Variants in IL1RAPL1 observed in about 807,000 individuals in gnomAD.
IL1RAPL1 encodes the protein interleukin-1 receptor accessory protein-like 1.
In IL1RAPL1, 3 loss-of-function variants were observed where a neutral mutation model predicts 48.4. That is an observed-to-expected ratio of 0.06 (90% CI 0.03 to 0.16). The LOEUF is 0.16. Ranked by LOEUF, IL1RAPL1 falls within the 10% of genes least tolerant of loss-of-function variation. IL1RAPL1 has a pLI of 1.00. For synonymous variants in IL1RAPL1, 185 were observed against 187.7 expected (o/e 0.99, Z 0.12); for missense variants, 349 against 530.6 (o/e 0.66, Z 3.36).
chrX:28,734,740 C>T (rs771497971), intron 1 of IL1RAPL1, among the ~76,000 whole-genome samples: 4 of 111,488 alleles, frequency 3.6e-5, no homozygotes, highest in Non-Finnish European at 7.5e-5. Flanking sequence ...AAGTAAGCTC[C>T]ATATGGGCAG....
At chrX:29,197,139 CTG>C (rs1254751432) in intron 2 of IL1RAPL1, among the ~76,000 whole-genome samples, 1 of 111,304 alleles carries the variant, frequency 9.0e-6, no homozygotes, top group Admixed American at 9.6e-5. Context: ...TAATTATTCA[CTG>C]TGAGTTTTTG....
intron 5 of IL1RAPL1, among the ~76,000 whole-genome samples, chrX:29,408,950 C>T (rs866158343): frequency 9.8e-5 from 11 of 112,087 alleles, no homozygotes; most frequent in African/African-American, 2.9e-4. Flanking sequence ...TTAAGTGCAA[C>T]GGAAACACAT....
At chrX:28,951,557 C>T (rs1409672523) in intron 2 of IL1RAPL1, among the ~76,000 whole-genome samples, 8 of 110,260 alleles carry the variant, frequency 7.3e-5, no homozygotes, top group Non-Finnish European at 1.3e-4. Flanking sequence ...AAATATAGTA[C>T]ACATTTATTC....
intron 1 of IL1RAPL1, among the ~76,000 whole-genome samples, chrX:28,628,350 T>A (rs1482614869): frequency 1.8e-5 from 2 of 112,160 alleles, no homozygotes; most frequent in Non-Finnish European, 3.8e-5. Flanking sequence ...CAAAATCACA[T>A]TGCAAAGTGT....
rs376805298 is a variant in IL1RAPL1, at chrX:29,443,231, GCTCT to G, written c.703+43948_703+43951del. The stretch of plus-strand genomic sequence containing the variant: ...GGAACTGAAGTGTGTGCTCTCGCTT[GCTCT>G]CTCTCTCTCTCTCTCTCTCTCTCTG... On this transcript the variant is annotated intron_variant, in intron 5 of 10. Coordinates refer to ENST00000378993, the MANE Select transcript of IL1RAPL1 (RefSeq NM_014271.4). Among the ~76,000 whole-genome samples, 124 of 93,930 alleles carry G rather than the reference GCTCT, an allele frequency of 1.3e-3. 3 individuals carry two copies. The Middle Eastern group carries it at 0.026, about 20-fold the overall frequency. 81.6% of individuals were successfully genotyped at this position (93,930 alleles called of 115,157 possible). A position where few individuals can be genotyped will look rare whatever the true frequency, so the allele number is the denominator to read the frequency against.
intron 5 of IL1RAPL1, among the ~76,000 whole-genome samples, chrX:29,454,403 G>A (rs1286911372): frequency 8.9e-6 from 1 of 111,780 alleles, no homozygotes; most frequent in African/African-American, 3.3e-5. Context: ...GAGACAAGGG[G>A]ACAGGCATGA....
At chrX:29,397,654 T>G (rs1025024106) in intron 4 of IL1RAPL1, among the ~76,000 whole-genome samples, 1 of 111,119 alleles carries the variant, frequency 9.0e-6, no homozygotes, top group Non-Finnish European at 1.9e-5. Flanking sequence ...CAAACCACCC[T>G]GTGGTTTGTC....
chrX:29,153,656 T>C (rs1484699700), intron 2 of IL1RAPL1, among the ~76,000 whole-genome samples: 1 of 112,652 alleles, frequency 8.9e-6, no homozygotes, highest in East Asian at 2.8e-4. Context: ...AGCCTACTTC[T>C]AGCATTTTCA....
intron 2 of IL1RAPL1, among the ~76,000 whole-genome samples, chrX:29,046,494 A>G (rs36033238): frequency 0.017 from 1,857 of 112,096 alleles, 19 homozygotes; most frequent in Middle Eastern, 0.032. Context: ...TTTAATCCTC[A>G]GAAGAATAAT....
chrX:29,513,535 C>T (rs1427224731), intron 5 of IL1RAPL1, among the ~76,000 whole-genome samples: 1 of 111,550 alleles, frequency 9.0e-6, no homozygotes, highest in African/African-American at 3.2e-5. Context: ...CAGTTCTGAG[C>T]CTGGTTTCGT....
intron 5 of IL1RAPL1, among the ~76,000 whole-genome samples, chrX:29,487,820 T>A (rs934193084): frequency 3.6e-5 from 4 of 112,069 alleles, no homozygotes; most frequent in African/African-American, 1.3e-4. Flanking sequence ...GAGTGGGGCA[T>A]GGGCTGGATT....
chrX:29,639,147 T>C (rs776762799), intron 5 of IL1RAPL1, among the ~76,000 whole-genome samples: 1 of 106,013 alleles, frequency 9.4e-6, no homozygotes, highest in East Asian at 3.0e-4. Flanking sequence ...GATCGGGCCA[T>C]TGCACTCCAG....
intron 1 of IL1RAPL1, among the ~76,000 whole-genome samples, chrX:28,734,663 A>T (rs1048856319): frequency 9.1e-6 from 1 of 110,132 alleles, no homozygotes; most frequent in Non-Finnish European, 1.9e-5. Flanking sequence ...AGAGCTTAGT[A>T]TATGTTCCAA....
intron 2 of IL1RAPL1, among the ~76,000 whole-genome samples, chrX:29,201,202 T>C (rs1377436163): frequency 8.9e-6 from 1 of 112,228 alleles, no homozygotes; most frequent in Non-Finnish European, 1.9e-5. Context: ...ATCCAGAATA[T>C]TATTTACCAA....
At chrX:29,757,950 T>A (rs1354818697) in intron 6 of IL1RAPL1, among the ~76,000 whole-genome samples, 2 of 111,786 alleles carry the variant, frequency 1.8e-5, no homozygotes, top group Non-Finnish European at 3.8e-5. Flanking sequence ...TCTTAATATG[T>A]ATAGCCATGG....
intron 2 of IL1RAPL1, among the ~76,000 whole-genome samples, chrX:28,969,884 CACAT>C (rs1236445610): frequency 2.0e-4 from 21 of 107,550 alleles, no homozygotes; most frequent in Middle Eastern, 4.9e-3. Flanking sequence ...TGTTTCTAAA[CACAT>C]ATATATGTTT....
intron 6 of IL1RAPL1, among the ~76,000 whole-genome samples, chrX:29,689,341 C>T (rs187270660): frequency 1.8e-5 from 2 of 111,681 alleles, no homozygotes; most frequent in East Asian, 2.8e-4. Flanking sequence ...GCTTATTTCA[C>T]GTTGTATGCC....
chrX:28,707,659 G>A (rs1036433629), intron 1 of IL1RAPL1, among the ~76,000 whole-genome samples: 1 of 112,055 alleles, frequency 8.9e-6, no homozygotes, highest in Non-Finnish European at 1.9e-5. Context: ...AAGGAGAAAT[G>A]GTGACATTGC....
At chrX:28,999,483 C>A (rs1055595028) in intron 2 of IL1RAPL1, among the ~76,000 whole-genome samples, 1 of 111,501 alleles carries the variant, frequency 9.0e-6, no homozygotes, top group African/African-American at 3.3e-5. Context: ...GGTAATACAA[C>A]CTCTTCATTT....
Sources: allele counts gnomAD v4.1 joint callset (sites outside exome capture counted in the v4.1 genomes callset), GRCh38; gene constraint gnomAD v4.1.1; transcripts MANE v1.5; gene names NCBI Gene and HGNC (gene_info 2026-07-23, HGNC 2026-07-21).